KSR2: variants seen among roughly 807,000 people sequenced by gnomAD.
KSR2 encodes kinase suppressor of ras 2.
In KSR2, 25 loss-of-function variants were observed where a neutral mutation model predicts 107.8. That is an observed-to-expected ratio of 0.23 (90% confidence interval 0.17 to 0.32). The LOEUF is 0.32. KSR2 is among the 10% of genes least tolerant of loss of function. The pLI is 1.00. For synonymous variants in KSR2, 480 were observed against 507.0 expected, an observed-to-expected ratio of 0.95 and a Z score of 0.71; for missense variants, 887 against 1,268.9, an observed-to-expected ratio of 0.70 and a Z score of 4.57.
intron 3 of KSR2, among the ~76,000 whole-genome samples, chr12:117,827,152 G>A (rs745444622): frequency 4.6e-5 from 7 of 152,096 alleles, no homozygotes; most frequent in Non-Finnish European, 7.3e-5. Flanking sequence ...AAACTGAAGA[G>A]GAGGAGGAAA....
At chr12:117,892,097 G>A (rs10850926) in intron 1 of KSR2, among the ~76,000 whole-genome samples, 56,360 of 151,956 alleles carry the variant, frequency 0.37, 12,448 homozygotes, top group East Asian at 0.87. Flanking sequence ...GTAGGAGTTC[G>A]AGACCAGCCT....
intron 1 of KSR2, among the ~76,000 whole-genome samples, chr12:117,950,529 G>C (rs1044284484): frequency 6.6e-6 from 1 of 151,848 alleles, no homozygotes; most frequent in African/African-American, 2.4e-5. Context: ...GAACCCAGGA[G>C]TTGGAGACCA....
intron 7 of KSR2, among the ~76,000 whole-genome samples, chr12:117,559,566 C>T (rs553629317): frequency 6.6e-6 from 1 of 152,238 alleles, no homozygotes; most frequent in African/African-American, 2.4e-5. Flanking sequence ...GGTGGCCGCT[C>T]ATTTTTCTTA....
intron 5 of KSR2, among the ~76,000 whole-genome samples, chr12:117,648,067 A>G (rs986466379): frequency 6.6e-6 from 1 of 152,106 alleles, no homozygotes; most frequent in Admixed American, 6.6e-5. Flanking sequence ...GGGACATACC[A>G]TTTATGGCAG....
intron 3 of KSR2, among the ~76,000 whole-genome samples, chr12:117,799,592 TGGA>T (rs1306963617): frequency 6.6e-6 from 1 of 152,210 alleles, no homozygotes; most frequent in Non-Finnish European, 1.5e-5. Context: ...AGATGATGCA[TGGA>T]CATTGTCCTT....
chr12:117,742,569 T>C (rs947657611), intron 4 of KSR2, among the ~76,000 whole-genome samples: 1 of 143,780 alleles, frequency 7.0e-6, no homozygotes. Flanking sequence ...GGCAGAGAGA[T>C]GAACAGACAG....
At chr12:117,716,163 C>T (rs1218136142) in intron 4 of KSR2, among the ~76,000 whole-genome samples, 2 of 152,212 alleles carry the variant, frequency 1.3e-5, no homozygotes, top group African/African-American at 4.8e-5. Context: ...CACCCTCTTC[C>T]ATTAGCATAT....
At chr12:117,797,600 C>A (rs187137044) in intron 3 of KSR2, among the ~76,000 whole-genome samples, 1 of 148,192 alleles carries the variant, frequency 6.7e-6, no homozygotes, top group Admixed American at 7.1e-5. Flanking sequence ...TCAATGCTAC[C>A]GAATTGTTCA....
At chr12:117,663,722 AATG>A in intron 5 of KSR2, among the ~76,000 whole-genome samples, 1 of 152,346 alleles carries the variant, frequency 6.6e-6, no homozygotes, top group Admixed American at 6.5e-5. Context: ...GCTGGTAATG[AATG>A]ATGACAATTA....
At chr12:117,948,447 G>T (rs571739180) in intron 1 of KSR2, among the ~76,000 whole-genome samples, 1 of 149,960 alleles carries the variant, frequency 6.7e-6, no homozygotes, top group East Asian at 2.0e-4. Context: ...CCCAGATCGC[G>T]CCATTGCACT....
intron 5 of KSR2, among the ~76,000 whole-genome samples, chr12:117,666,753 C>A (rs994194976): frequency 2.0e-5 from 3 of 152,196 alleles, no homozygotes; most frequent in Non-Finnish European, 4.4e-5. Flanking sequence ...CTTGAGCAAC[C>A]AATCAATAAA....
chr12:117,797,002 C>A (rs1015392428), intron 3 of KSR2, among the ~76,000 whole-genome samples: 1 of 152,204 alleles, frequency 6.6e-6, no homozygotes, highest in Non-Finnish European at 1.5e-5. Flanking sequence ...CAACAAAGAA[C>A]AAAGCCAACC....
chr12:117,825,897 A>AGATGCGTG (rs1891725741), intron 3 of KSR2, among the ~76,000 whole-genome samples: 1 of 127,850 alleles, frequency 7.8e-6, no homozygotes, highest in Non-Finnish European at 1.6e-5. Flanking sequence ...ATGCATGCAT[A>AGATGCGTG]GATGCGTGGA....
chr12:117,694,833 T>C (rs1329407554), intron 4 of KSR2, among the ~76,000 whole-genome samples: 1 of 145,384 alleles, frequency 6.9e-6, no homozygotes, highest in Non-Finnish European at 1.5e-5. Flanking sequence ...AAAGGACAAA[T>C]GTTGTATGAT....
At chr12:117,483,592 T>C (rs973034537) in intron 16 of KSR2, among the ~76,000 whole-genome samples, 4 of 152,058 alleles carry the variant, frequency 2.6e-5, no homozygotes, top group Admixed American at 2.6e-4. Flanking sequence ...GCAGTCCAAA[T>C]TAAAAGTCAC....
intron 4 of KSR2, among the ~76,000 whole-genome samples, chr12:117,719,991 C>T (rs1887142908): frequency 6.6e-6 from 1 of 152,198 alleles, no homozygotes; most frequent in African/African-American, 2.4e-5. Flanking sequence ...TTCTCCACTC[C>T]TTCATCACTC....
chr12:117,485,701 A>G lies in KSR2; in HGVS notation c.2220-10T>C, dbSNP rs1872423786. 2 of 1,597,376 alleles carry G rather than the reference A, an allele frequency of 1.3e-6. No individual in the cohort carries two copies. Among genetic ancestry groups the G allele is most frequent in the African/African-American group, 2.7e-5 (2 of 74,644 alleles). The stretch of plus-strand genomic sequence containing the variant: ...CCGTCCCTTACAGAGGCTGAAAAGC[A>G]AAAGGACAAGATAAATTAATGGCAG... On this transcript the variant is annotated splice_polypyrimidine_tract_variant and intron_variant, in intron 14 of 19. Coordinates refer to ENST00000339824, the MANE Select transcript of KSR2 (RefSeq NM_173598.6).
intron 4 of KSR2, among the ~76,000 whole-genome samples, chr12:117,708,133 G>A (rs1446026571): frequency 5.3e-5 from 8 of 152,178 alleles, no homozygotes; most frequent in African/African-American, 1.2e-4. Flanking sequence ...ATTCTTGAGC[G>A]TTTCATGTGG....
chr12:117,906,859 T>C (rs1158081447), intron 1 of KSR2, among the ~76,000 whole-genome samples: 1 of 151,842 alleles, frequency 6.6e-6, no homozygotes, highest in Admixed American at 6.6e-5. Flanking sequence ...GAGGCCCCCG[T>C]CTCTACAAAA....
Sources: allele counts gnomAD v4.1 joint callset (sites outside exome capture counted in the v4.1 genomes callset), GRCh38; gene constraint gnomAD v4.1.1; transcripts MANE v1.5; gene names NCBI Gene and HGNC (gene_info 2026-07-23, HGNC 2026-07-21).